The following INTS13 variants were observed in gnomAD, a reference collection of about 807,000 sequenced individuals.
INTS13 encodes asunder, spermatogenesis regulator homolog (Drosphila).
In INTS13, 35 loss-of-function variants were observed where a neutral mutation model predicts 90.2. The observed-to-expected ratio is 0.39, with a 90% CI of 0.30 to 0.51. INTS13 has a LOEUF of 0.51. Among genes scored for constraint, INTS13 ranks in the 20% least tolerant of loss-of-function variants. The pLI is 0.80. For missense variants in INTS13, 601 were observed against 851.2 expected (o/e 0.71, Z 3.66); for synonymous variants, 309 against 277.1 (o/e 1.11, Z -1.14).
At chr12:26,934,663 A>C (rs1033005671) in intron 2 of INTS13, 33 bp from the exon 3 acceptor site, 29 of 1,466,986 alleles carry the variant, frequency 2.0e-5, no homozygotes, top group Non-Finnish European at 2.8e-5. Context: ...TTAGTATTCA[A>C]CTCTAATTTC....
At chr12:26,910,606 TG>T (rs888830783) in intron 15 of INTS13, among the ~76,000 whole-genome samples, 13 of 152,210 alleles carry the variant, frequency 8.5e-5, no homozygotes, top group African/African-American at 2.9e-4. Flanking sequence ...CTGCCATGCC[TG>T]TAAGTTTCCT....
intron 7 of INTS13, among the ~76,000 whole-genome samples, chr12:26,923,754 T>C (rs1216904936): frequency 6.6e-6 from 1 of 152,206 alleles, no homozygotes; most frequent in Non-Finnish European, 1.5e-5. Flanking sequence ...TTTAAAACTA[T>C]GAGCTATTTT....
In INTS13 at chr12:26,934,540, C is replaced by A; in HGVS notation, c.300+16G>T. ...AGATAATTTACAAATGGCCACAGCTCAAAATCTAACCATACCTCCTGTAAA... is the reference window on the plus strand; with the variant it reads ...AGATAATTTACAAATGGCCACAGCTAAAAATCTAACCATACCTCCTGTAAA... On this transcript the variant is annotated intron_variant, in intron 3 of 16. Coordinates refer to ENST00000261191, the MANE Select transcript of INTS13 (RefSeq NM_018164.3). 1 of 1,582,582 alleles carries A rather than the reference C, an allele frequency of 6.3e-7. No individual in the cohort carries two copies. Among genetic ancestry groups the A allele is most frequent in the South Asian group, 1.1e-5 (1 of 89,750 alleles).
chr12:26,923,263 A>G (rs1403637164), intron 7 of INTS13, among the ~76,000 whole-genome samples: 1 of 152,182 alleles, frequency 6.6e-6, no homozygotes, highest in Non-Finnish European at 1.5e-5. Flanking sequence ...ATCAAAATTA[A>G]CAGGCAAGCT....
At position 26,913,654 on chromosome 12, in the gene INTS13, T is replaced by C; in HGVS notation, c.1608A>G (p.Leu536=). The change falls in exon 14 of 17, where the codon TTA becomes TTG. Residue 536 remains leucine, a synonymous_variant. Transcript: ENST00000261191. ...TGATATGGGCTCTGACAAGGGTTTC[T>C]AATTCATTCCACATGATACGGTATT... ...DEQYRIMWNE[L]ETLVRAHINN... The C allele has an allele frequency of 6.2e-7, 1 of 1,613,946 alleles. No individual in the cohort carries two copies. The highest frequency in any genetic ancestry group is 8.5e-7 in the Non-Finnish European group (1 of 1,179,938).
Position 26,906,287 on chromosome 12 carries a change from A to G in INTS13, c.2081+15T>C. ...GCAATTGACAAAACCAATTTTGACA[A>G]TAAGTAACACAAACCCATTTTCCTC... On this transcript the variant is annotated intron_variant, in intron 16 of 16. Coordinates refer to ENST00000261191, the MANE Select transcript of INTS13 (RefSeq NM_018164.3). 1.3e-6 allele frequency: 2 copies of G among 1,587,650 alleles called. No individual in the cohort carries two copies. Among genetic ancestry groups the G allele is most frequent in the Non-Finnish European group, 8.6e-7 (1 of 1,168,648 alleles).
chr12:26,909,269 G>A (rs771194625), intron 15 of INTS13, among the ~76,000 whole-genome samples: 2 of 152,152 alleles, frequency 1.3e-5, no homozygotes, highest in African/African-American at 2.4e-5. Flanking sequence ...GCTGAGGCAG[G>A]AGAATCACTT....
intron 14 of INTS13, among the ~76,000 whole-genome samples, chr12:26,912,110 C>T (rs932912289): frequency 6.6e-6 from 1 of 152,074 alleles, no homozygotes; most frequent in Non-Finnish European, 1.5e-5. Context: ...TGTTCTTTTG[C>T]TACATATGTT....
chr12:26,921,232 G>A (rs1314618975), intron 8 of INTS13, among the ~76,000 whole-genome samples: 2 of 152,142 alleles, frequency 1.3e-5, no homozygotes, highest in Non-Finnish European at 2.9e-5. Flanking sequence ...CAATACAGTT[G>A]CAGAAATCAG....
chr12:26,917,414 C>T lies in INTS13; in HGVS notation c.1007G>A (p.Arg336Gln), dbSNP rs777882102. 8.9e-6 allele frequency: 14 copies of T among 1,569,926 alleles called. No individual in the cohort carries two copies. Among genetic ancestry groups the T allele is most frequent in the South Asian group, 1.2e-5 (1 of 85,564 alleles). The change falls in exon 10 of 17, where the codon CGG becomes CAG. Residue 336 changes from arginine (R) to glutamine (Q), a missense_variant. Arg to Gln is a conservative substitution (Grantham distance 43, BLOSUM62 1). Around this residue, in one of 3 missense-constraint regions of INTS13, gnomAD observed 89 missense variants for 191.0 expected, o/e 0.47. Coordinates refer to ENST00000261191, the MANE Select transcript of INTS13 (RefSeq NM_018164.3). The part of the protein sequence containing the change: ...IELHYCTGAY[R>Q]ISPVDVNSRP... ...ACTATTTACATCTACAGGTGAAATC[C>T]GATAAGCTCCAGTACAATAGTGTAA...
chr12:26,912,291 G>T (rs1412699410), intron 14 of INTS13, among the ~76,000 whole-genome samples: 2 of 151,994 alleles, frequency 1.3e-5, no homozygotes, highest in African/African-American at 4.8e-5. Context: ...CAAAAAATTG[G>T]CCAGGCATGG....
At chr12:26,911,390 C>T (rs1951771645) in intron 14 of INTS13, 73 bp from the exon 15 acceptor site, 4 of 1,299,066 alleles carry the variant, frequency 3.1e-6, no homozygotes. Flanking sequence ...ATTAAACTAA[C>T]TTTGCATATC....
intron 12 of INTS13, 40 bp from the exon 13 acceptor site, chr12:26,914,168 G>C (rs1951867907): frequency 6.6e-7 from 1 of 1,507,490 alleles, no homozygotes; most frequent in Admixed American, 2.4e-5. Context: ...AATCTGTCTT[G>C]AAAAATAAAT....
At chr12:26,920,574 A>G (rs1467541605) in intron 8 of INTS13, among the ~76,000 whole-genome samples, 4 of 151,422 alleles carry the variant, frequency 2.6e-5, no homozygotes, top group African/African-American at 9.7e-5. Flanking sequence ...AATTTTTTGT[A>G]TTTTCTAGTA....
At chr12:26,930,485 T>C (rs187025925) in intron 3 of INTS13, among the ~76,000 whole-genome samples, 73 of 152,344 alleles carry the variant, frequency 4.8e-4, no homozygotes, top group Admixed American at 2.4e-3. Context: ...AGGTGTGACA[T>C]GGATAACCAA....
chr12:26,931,755 T>A (rs1028152431), intron 3 of INTS13, among the ~76,000 whole-genome samples: 3 of 152,066 alleles, frequency 2.0e-5, no homozygotes, highest in African/African-American at 7.2e-5. Flanking sequence ...TTCTGCTTCC[T>A]CCACTAAAAT....
In INTS13 at chr12:26,906,324, G is replaced by A. The variant is rs1284225940; in HGVS notation, c.2059C>T (p.Gln687Ter). The change falls in exon 16 of 17, where the codon CAA becomes TAA. Residue 687 changes from glutamine to a stop codon, truncating the protein, a stop_gained. Coordinates refer to ENST00000261191, the MANE Select transcript of INTS13 (RefSeq NM_018164.3). LOFTEE classifies it high-confidence loss of function. ...AACCCATTTTCCTCTTTAAGATGTT[G>A]ATATAGTTCAGCTCTGTTATTAACA... ...NSVNNRAELY[Q>*]HLKEENGMET... 6.2e-7 allele frequency: 1 copy of A among 1,604,024 alleles called. No homozygotes were observed.
chr12:26,927,438 CA>C (rs954972904), intron 5 of INTS13, among the ~76,000 whole-genome samples: 1 of 152,072 alleles, frequency 6.6e-6, no homozygotes, highest in Admixed American at 6.5e-5. Flanking sequence ...CACATTTGAT[CA>C]AAAGTACTAG....
At chr12:26,933,783 A>G (rs1318151008) in intron 3 of INTS13, among the ~76,000 whole-genome samples, 1 of 152,178 alleles carries the variant, frequency 6.6e-6, no homozygotes, top group Non-Finnish European at 1.5e-5. Flanking sequence ...CACATTTATG[A>G]TCAAAATATT....
Sources: gnomAD v4.1 joint callset for allele counts (sites outside exome capture counted in the v4.1 genomes callset) on GRCh38, gnomAD v4.1.1 for gene constraint, gnomAD v4.1.1 regional missense constraint, MANE v1.5 for transcripts, NCBI Gene and HGNC (gene_info 2026-07-23, HGNC 2026-07-21) for gene names.